Variants in KCND2 observed in about 807,000 individuals in gnomAD.
KCND2 encodes potassium voltage-gated channel subfamily D member 2.
In KCND2, 16 loss-of-function variants were observed where a neutral mutation model predicts 54.4. The ratio of observed to expected loss-of-function variants is 0.29; its 90% CI spans 0.20 to 0.45. The LOEUF (loss-of-function observed/expected upper bound fraction) is 0.45. Ranked by LOEUF, KCND2 falls within the 20% of genes least tolerant of loss-of-function variation. The pLI is 1.00. For synonymous variants in KCND2, 317 were observed against 310.7 expected, an observed-to-expected ratio of 1.02 and a Z score of -0.21; for missense variants, 486 against 824.2, an observed-to-expected ratio of 0.59 and a Z score of 5.02.
At chr7:120,599,042 T>C (rs1239492908) in intron 1 of KCND2, among the ~76,000 whole-genome samples, 1 of 152,218 alleles carries the variant, frequency 6.6e-6, no homozygotes, top group Non-Finnish European at 1.5e-5. Context: ...TTTTGGAATG[T>C]GAATGTCCAA....
intron 1 of KCND2, among the ~76,000 whole-genome samples, chr7:120,291,154 T>C (rs1387095496): frequency 6.6e-6 from 1 of 151,990 alleles, no homozygotes; most frequent in Non-Finnish European, 1.5e-5. Context: ...CCATCATAAG[T>C]GCTCAATAAA....
At chr7:120,647,632 A>G (rs943696509) in intron 1 of KCND2, among the ~76,000 whole-genome samples, 2 of 152,154 alleles carry the variant, frequency 1.3e-5, no homozygotes, top group Non-Finnish European at 2.9e-5. Context: ...ACGGCTAATT[A>G]TTTTCATTTG....
At chr7:120,553,608 C>A (rs947142384) in intron 1 of KCND2, among the ~76,000 whole-genome samples, 1 of 152,168 alleles carries the variant, frequency 6.6e-6, no homozygotes, top group Non-Finnish European at 1.5e-5. Flanking sequence ...TCTGCTGCTA[C>A]AGCTGCTGAT....
intron 1 of KCND2, among the ~76,000 whole-genome samples, chr7:120,280,770 A>G (rs976205253): frequency 3.3e-5 from 5 of 152,036 alleles, no homozygotes; most frequent in Non-Finnish European, 7.4e-5. Context: ...TTTTATGCTC[A>G]TTTTCTTCTG....
chr7:120,428,133 G>A lies in KCND2; in HGVS notation c.1115+152386G>A, dbSNP rs147796323. On this transcript the variant is annotated intron_variant, in intron 1 of 5. Transcript: ENST00000331113. ...GTACATTTACCATATTCCATTTGAT[G>A]GAATAAATATAAGACATCTGCCAAC... Among the ~76,000 whole-genome samples, 71 of 152,122 alleles carry A rather than the reference G, an allele frequency of 4.7e-4. No homozygotes were observed. In the Middle Eastern group the frequency reaches 0.014, roughly 29 times the overall value.
chr7:120,323,259 TC>T, intron 1 of KCND2, among the ~76,000 whole-genome samples: 1 of 152,124 alleles, frequency 6.6e-6, no homozygotes, highest in Non-Finnish European at 1.5e-5. Context: ...GGTTTTCTGT[TC>T]CTGTGTTAGT....
At chr7:120,523,704 CTGTGTGTGTGTGTGTG>C (rs199762798) in intron 1 of KCND2, among the ~76,000 whole-genome samples, 4,224 of 137,228 alleles carry the variant, frequency 0.031, 89 homozygotes, top group Non-Finnish European at 0.05. Context: ...CACACACACT[CTGTGTGTGTGTGTGTG>C]TGTGTGTGTG....
intron 1 of KCND2, among the ~76,000 whole-genome samples, chr7:120,536,204 T>C (rs1453101878): frequency 1.3e-5 from 2 of 152,182 alleles, no homozygotes; most frequent in African/African-American, 4.8e-5. Flanking sequence ...AAGTGTGCAG[T>C]AGAACTGTGT....
At chr7:120,687,377 G>A (rs946776153) in intron 1 of KCND2, among the ~76,000 whole-genome samples, 9 of 152,104 alleles carry the variant, frequency 5.9e-5, no homozygotes, top group East Asian at 1.9e-4. Flanking sequence ...CAACAGTACC[G>A]TATTGTACAC....
At chr7:120,629,534 A>G (rs924946693) in intron 1 of KCND2, among the ~76,000 whole-genome samples, 12 of 152,260 alleles carry the variant, frequency 7.9e-5, no homozygotes, top group Admixed American at 7.8e-4. Context: ...AATGACACAG[A>G]CGTTGTAAGC....
rs527525906 is a variant in KCND2, at chr7:120,380,816, C to T, written c.1115+105069C>T. On this transcript the variant is annotated intron_variant, in intron 1 of 5. Coordinates refer to ENST00000331113, the MANE Select transcript of KCND2 (RefSeq NM_012281.3). ...CTGCATTCTACCCTATATACATAAT[C>T]AGGAATGCAGAATTTAAGTGTTCAT... Among the ~76,000 whole-genome samples the T allele has an allele frequency of 6.6e-5, 10 of 152,152 alleles. No homozygotes were observed. In the South Asian group the frequency reaches 2.1e-3, roughly 32 times the overall value.
intron 1 of KCND2, among the ~76,000 whole-genome samples, chr7:120,573,059 T>C (rs1437394451): frequency 2.6e-5 from 4 of 152,238 alleles, no homozygotes; most frequent in Non-Finnish European, 5.9e-5. Flanking sequence ...TTAGATTATG[T>C]GACCTTCAAA....
Position 120,451,906 on chromosome 7 carries a change from T to A in KCND2, c.1115+176159T>A, listed in dbSNP as rs979882268. Among the ~76,000 whole-genome samples, 22 of 152,266 alleles carry A rather than the reference T, an allele frequency of 1.4e-4. No homozygotes were observed. In the South Asian group the frequency reaches 2.3e-3, roughly 16 times the overall value. On this transcript the variant is annotated intron_variant, in intron 1 of 5. Coordinates refer to ENST00000331113, the MANE Select transcript of KCND2 (RefSeq NM_012281.3). ...CACAGTCTAAGCTAATAGGTACCGATTAATCAAGAGTCAACTTTAGCACTC... is the reference window on the plus strand; with the variant it reads ...CACAGTCTAAGCTAATAGGTACCGAATAATCAAGAGTCAACTTTAGCACTC...
intron 1 of KCND2, among the ~76,000 whole-genome samples, chr7:120,314,164 G>T (rs1184813209): frequency 6.6e-6 from 1 of 151,718 alleles, no homozygotes; most frequent in Admixed American, 6.6e-5. Flanking sequence ...GGAGGAAAGA[G>T]AAATATTCAG....
At chr7:120,303,912 A>G (rs1799617164) in intron 1 of KCND2, among the ~76,000 whole-genome samples, 1 of 152,184 alleles carries the variant, frequency 6.6e-6, no homozygotes, top group African/African-American at 2.4e-5. Flanking sequence ...ATCATAACAC[A>G]TGTACAACAT....
intron 1 of KCND2, chr7:120,463,939 A>ATAGATAGG (rs1802326361): frequency 2.6e-6 from 1 of 381,688 alleles, no homozygotes; most frequent in Non-Finnish European, 3.6e-6. Flanking sequence ...AGATAGATAG[A>ATAGATAGG]TAGATCGACA....
At chr7:120,443,711 G>T (rs1421580777) in intron 1 of KCND2, among the ~76,000 whole-genome samples, 1 of 151,094 alleles carries the variant, frequency 6.6e-6, no homozygotes, top group East Asian at 1.9e-4. Flanking sequence ...GGCATTTGAT[G>T]TCCAATACCT....
At chr7:120,703,918 A>G (rs771265801) in intron 1 of KCND2, among the ~76,000 whole-genome samples, 1 of 152,208 alleles carries the variant, frequency 6.6e-6, no homozygotes, top group Non-Finnish European at 1.5e-5. Flanking sequence ...CTCATGACAC[A>G]TTTGACAAAA....
chr7:120,563,632 T>G (rs1454862588), intron 1 of KCND2, among the ~76,000 whole-genome samples: 11 of 152,140 alleles, frequency 7.2e-5, no homozygotes, highest in Non-Finnish European at 1.6e-4. Context: ...TTAAAAAGCT[T>G]AATGATCTGA....
Sources: allele counts gnomAD v4.1 joint callset (sites outside exome capture counted in the v4.1 genomes callset), GRCh38; gene constraint gnomAD v4.1.1; transcripts MANE v1.5; gene names NCBI Gene and HGNC (gene_info 2026-07-23, HGNC 2026-07-21).